CACNA1B: variants seen among roughly 807,000 people sequenced by gnomAD.
CACNA1B encodes voltage-dependent N-type calcium channel subunit alpha-1B.
Under a neutral mutation model 247.2 loss-of-function variants are expected in CACNA1B, and 70 were observed. That is an observed-to-expected ratio of 0.28 (90% confidence interval 0.23 to 0.35). The LOEUF (loss-of-function observed/expected upper bound fraction) is 0.35, where lower values mean the gene tolerates loss of function less well. Among genes scored for constraint, CACNA1B ranks in the 10% least tolerant of loss-of-function variants. The pLI, the probability that CACNA1B is intolerant of heterozygous loss-of-function variation, is 1.00. For missense variants in CACNA1B, 2,367 were observed against 3,197.4 expected (o/e 0.74, Z 6.26); for synonymous variants, 1,231 against 1,294.4 (o/e 0.95, Z 1.05).
intron 10 of CACNA1B, among the ~76,000 whole-genome samples, chr9:137,967,948 C>T (rs944668531): frequency 2.0e-5 from 3 of 152,260 alleles, no homozygotes; most frequent in Admixed American, 2.0e-4. Context: ...CTCGCGTTCA[C>T]CTCCACGTTG....
chr9:138,106,694 G>A (rs1181226388), intron 39 of CACNA1B, among the ~76,000 whole-genome samples: 1 of 152,182 alleles, frequency 6.6e-6, no homozygotes, highest in Non-Finnish European at 1.5e-5. Flanking sequence ...AACCTGGGAG[G>A]CGGAGGTTGC....
At chr9:138,029,609 CTTTTTTT>C (rs11320503) in intron 20 of CACNA1B, among the ~76,000 whole-genome samples, 6 of 115,826 alleles carry the variant, frequency 5.2e-5, no homozygotes, top group Non-Finnish European at 1.1e-4. Context: ...TTTTCTTTTC[CTTTTTTT>C]TTTTTTTTTT....
intron 10 of CACNA1B, among the ~76,000 whole-genome samples, chr9:137,964,616 T>A (rs924181691): frequency 6.6e-6 from 1 of 152,208 alleles, no homozygotes; most frequent in African/African-American, 2.4e-5. Flanking sequence ...ATTGTTAGCT[T>A]CTTTGCATTG....
chr9:138,037,840 C>T lies in CACNA1B; in HGVS notation c.3287-5934C>T, dbSNP rs1959066205. 2.0e-5 allele frequency among the ~76,000 whole-genome samples: 3 copies of T among 152,160 alleles called. 1 individual carries two copies. In the South Asian group the frequency reaches 6.2e-4, roughly 32 times the overall value. ...GCCTGATCTGCCATTGTGAAGTTCT[C>T]CACTGGTCTTTCCCTAAATGGTTCT... On this transcript the variant is annotated intron_variant, in intron 20 of 46. Transcript: ENST00000371372.
intron 40 of CACNA1B, among the ~76,000 whole-genome samples, chr9:138,112,938 C>G (rs1961698484): frequency 6.8e-6 from 1 of 146,194 alleles, no homozygotes; most frequent in Non-Finnish European, 1.5e-5. Flanking sequence ...GGGAAGTGCC[C>G]AACTCCATCT....
Position 138,052,241 on chromosome 9 carries a change from TGTGTGTGC to T in CACNA1B, c.3807+61_3807+68del, listed in dbSNP as rs1468318695. ...GATGTGCTGTGTGTGTGTGCGTGTGTGTGTGTGCGTGTGTGTGTGTGTATGCATGCAGT... is the reference window on the plus strand; with the variant it reads ...GATGTGCTGTGTGTGTGTGCGTGTGTGTGTGTGTGTGTGTATGCATGCAGT... On this transcript the variant is annotated intron_variant, in intron 25 of 46. Transcript: ENST00000371372. The surrounding 1 kb of genome is among the most constrained non-coding windows in gnomAD (Gnocchi z 5.1). The T allele has an allele frequency of 1.4e-5, 12 of 843,540 alleles. No individual in the cohort carries two copies. Among genetic ancestry groups the T allele is most frequent in the African/African-American group, 4.6e-5 (2 of 43,950 alleles). The allele number at this position is 843,540 out of a possible 1,614,324, so 52.3% of individuals were successfully genotyped here.
intron 3 of CACNA1B, among the ~76,000 whole-genome samples, chr9:137,907,168 T>C (rs971806033): frequency 6.6e-5 from 10 of 152,256 alleles, no homozygotes; most frequent in African/African-American, 2.4e-4. Context: ...TTCACAGCTC[T>C]CCTCTACCCC....
chr9:137,892,360 C>T, intron 3 of CACNA1B: 1 of 456,686 alleles, frequency 2.2e-6, no homozygotes, highest in South Asian at 1.5e-5. Context: ...ATCCGATGGA[C>T]CCCAGACCCT....
chr9:138,006,737 G>C, intron 15 of CACNA1B, 30 bp from the exon 16 acceptor site: 1 of 1,330,818 alleles, frequency 7.5e-7, no homozygotes, highest in East Asian at 2.3e-5. Context: ...GGCCATGGGG[G>C]CTTGCCCTGT....
intron 13 of CACNA1B, among the ~76,000 whole-genome samples, chr9:137,984,767 C>T (rs956882443): frequency 2.4e-4 from 37 of 152,288 alleles, no homozygotes; most frequent in East Asian, 1.9e-4. Context: ...ACCTTGCTGA[C>T]GATGGCAGTG....
chr9:138,044,760 G>A (rs1167188825), intron 21 of CACNA1B, among the ~76,000 whole-genome samples: 2 of 152,334 alleles, frequency 1.3e-5, no homozygotes, highest in East Asian at 3.9e-4. Context: ...TTACCGATCT[G>A]CCCATCCCCT....
intron 18 of CACNA1B, chr9:138,017,098 GGT>G: frequency 1.9e-6 from 1 of 517,272 alleles, no homozygotes; most frequent in South Asian, 1.4e-5. Flanking sequence ...CTCTGTCTCT[GGT>G]TTTCTCACTT....
At chr9:137,883,681 A>G (rs1956961386) in intron 3 of CACNA1B, among the ~76,000 whole-genome samples, 1 of 151,846 alleles carries the variant, frequency 6.6e-6, no homozygotes, top group African/African-American at 2.4e-5. Flanking sequence ...CTGGGGAGTG[A>G]GTGCTTGGGG....
At chr9:138,084,671 A>G (rs917250418) in intron 36 of CACNA1B, among the ~76,000 whole-genome samples, 1 of 151,086 alleles carries the variant, frequency 6.6e-6, no homozygotes, top group Non-Finnish European at 1.5e-5. Context: ...CAAGGAAATC[A>G]CCAGGTGTGG....
intron 20 of CACNA1B, among the ~76,000 whole-genome samples, chr9:138,035,181 G>A (rs934140076): frequency 2.0e-5 from 3 of 152,212 alleles, no homozygotes; most frequent in East Asian, 1.9e-4. Context: ...ACCGCTGGCC[G>A]GGCACAGTGG....
In CACNA1B at chr9:138,054,112, C is replaced by T. The variant is rs1589099363; in HGVS notation, c.3968+106C>T. 9.4e-7 allele frequency: 1 copy of T among 1,067,906 alleles called. No homozygotes were observed. Among genetic ancestry groups the T allele is most frequent in the Admixed American group, 1.8e-5 (1 of 54,980 alleles). The allele number at this position is 1,067,906 out of a possible 1,614,324, so 66.2% of individuals were successfully genotyped here. A position where few individuals can be genotyped will look rare whatever the true frequency, so the allele number is the denominator to read the frequency against. ...AGCTGGTCACACGGCGTGGGAGACT[C>T]CACTGCAGAGCATCACGGACCCTGC... On this transcript the variant is annotated intron_variant, in intron 26 of 46. Transcript: ENST00000371372. The surrounding 1 kb of genome is among the most constrained non-coding windows in gnomAD (Gnocchi z 4.6).
Position 138,057,840 on chromosome 9 carries a change from C to T in CACNA1B, c.4077C>T (p.Phe1359=). 6.2e-7 allele frequency: 1 copy of T among 1,608,482 alleles called. No homozygotes were observed. The highest frequency in any genetic ancestry group is 1.1e-5 in the South Asian group (1 of 90,794). Residue 1359 remains phenylalanine, a synonymous_variant, in exon 27 of 47, where the codon TTC becomes TTT. Transcript: ENST00000371372. This position sits in a 1 kb window ranked among gnomAD's most constrained non-coding sequence, Gnocchi z 4.0. ...DNVLWALLTL[F]TVSTGEGWPM... ...TGCTCTGGGCTCTGCTGACGCTGTT[C>T]ACAGTGTCCACGGGAGAAGGCTGGC...
intron 36 of CACNA1B, among the ~76,000 whole-genome samples, chr9:138,078,598 G>A (rs1040538839): frequency 6.6e-6 from 1 of 152,180 alleles, no homozygotes; most frequent in African/African-American, 2.4e-5. Flanking sequence ...AAAGCAGCTG[G>A]ACTGGGTGGG....
intron 3 of CACNA1B, among the ~76,000 whole-genome samples, chr9:137,907,665 A>G (rs1957313480): frequency 6.6e-6 from 1 of 152,198 alleles, no homozygotes; most frequent in Admixed American, 6.5e-5. Flanking sequence ...TTCTACATTC[A>G]GAAAACCAAT....
Sources: allele counts gnomAD v4.1 joint callset (sites outside exome capture counted in the v4.1 genomes callset), GRCh38; gene constraint gnomAD v4.1.1; non-coding constraint Gnocchi (gnomAD v3.1); transcripts MANE v1.5; gene names NCBI Gene and HGNC (gene_info 2026-07-23, HGNC 2026-07-21).